Variants in CYP2J2 observed in about 807,000 individuals in gnomAD.
The protein encoded by CYP2J2 is cytochrome P450 family 2 subfamily J member 2.
A neutral mutation model predicts 48.8 loss-of-function variants in CYP2J2; 41 were observed. That is an observed-to-expected ratio of 0.84 (90% CI 0.66 to 1.09). CYP2J2 has a LOEUF of 1.09. Among genes scored for constraint, CYP2J2 ranks in the 50% least tolerant of loss-of-function variants. CYP2J2 has a pLI of 0.00. For synonymous variants in CYP2J2, 221 were observed against 227.1 expected, an observed-to-expected ratio of 0.97 and a Z score of 0.24; for missense variants, 644 against 617.3, an observed-to-expected ratio of 1.04 and a Z score of -0.46.
the CYP2J2 span, among the ~76,000 whole-genome samples, chr1:59,955,317 C>CTGG: frequency 7.8e-6 from 1 of 127,688 alleles, no homozygotes; most frequent in East Asian, 2.1e-4. Flanking sequence ...CATATATATC[C>CTGG]ATATATATAT....
chr1:59,942,044 GATAAGTGCCT>G, the CYP2J2 span, among the ~76,000 whole-genome samples: 1 of 152,152 alleles, frequency 6.6e-6, no homozygotes. Flanking sequence ...CGCCATTCGT[GATAAGTGCCT>G]TATACAGGGG....
At chr1:59,958,510 G>T in the CYP2J2 span, among the ~76,000 whole-genome samples, 1 of 141,910 alleles carries the variant, frequency 7.0e-6, no homozygotes, top group Non-Finnish European at 1.5e-5. Context: ...AAGTGGGCAG[G>T]GGTCCTTCTC....
chr1:59,947,727 C>A, the CYP2J2 span, among the ~76,000 whole-genome samples: 1 of 152,164 alleles, frequency 6.6e-6, no homozygotes, highest in East Asian at 1.9e-4. Flanking sequence ...GCATTCCTAG[C>A]TGTTCATAAT....
Position 59,913,791 on chromosome 1 carries a change from C to G in CYP2J2, c.374-1480G>C, listed in dbSNP as rs181729180. 3.0e-4 allele frequency among the ~76,000 whole-genome samples: 46 copies of G among 152,306 alleles called. No individual in the cohort carries two copies. The East Asian group carries it at 8.3e-3, about 27-fold the overall frequency. On this transcript the variant is annotated intron_variant, in intron 2 of 8. Coordinates refer to ENST00000371204, the MANE Select transcript of CYP2J2 (RefSeq NM_000775.4). The stretch of plus-strand genomic sequence containing the variant: ...TTTCTTCTATTCTCTGAATGGCAGC[C>G]TAAATAAAACCTAAAAATATACAGT...
At chr1:59,922,528 A>T (rs1324159724) in intron 1 of CYP2J2, among the ~76,000 whole-genome samples, 1 of 152,214 alleles carries the variant, frequency 6.6e-6, no homozygotes, top group Admixed American at 6.5e-5. Context: ...CAGTGTGATA[A>T]GAAAATCACA....
chr1:59,930,741 T>G (rs143625925), upstream of CYP2J2, among the ~76,000 whole-genome samples: 1 of 152,032 alleles, frequency 6.6e-6, no homozygotes, highest in African/African-American at 2.4e-5. Context: ...TTTTTTTAAA[T>G]GAAGGAAAAA....
chr1:59,935,775 A>C, the CYP2J2 span, among the ~76,000 whole-genome samples: 3 of 152,062 alleles, frequency 2.0e-5, no homozygotes, highest in African/African-American at 7.2e-5. Flanking sequence ...GCCTGGAAAA[A>C]CTTTACTTCT....
Position 59,909,717 on chromosome 1 carries a change from G to T in CYP2J2, c.861+67C>A, listed in dbSNP as rs183371749. 7.2e-4 allele frequency: 871 copies of T among 1,207,276 alleles called. 5 individuals are homozygous for T. In the Middle Eastern group the frequency reaches 0.02, roughly 27 times the overall value. The allele number at this position is 1,207,276 out of a possible 1,614,324, so 74.8% of individuals were successfully genotyped here. A position where few individuals can be genotyped will look rare whatever the true frequency, so the allele number is the denominator to read the frequency against. On this transcript the variant is annotated intron_variant, in intron 5 of 8. Transcript: ENST00000371204. Reference sequence around the variant, plus strand: ...TTTGTGATCATATTTTACAGCAGCAGTTGGAAACTAATATACCTCTATTTG... The same window carrying T: ...TTTGTGATCATATTTTACAGCAGCATTTGGAAACTAATATACCTCTATTTG...
chr1:59,908,528 T>C (rs1644384346), intron 5 of CYP2J2, among the ~76,000 whole-genome samples: 1 of 152,244 alleles, frequency 6.6e-6, no homozygotes, highest in Non-Finnish European at 1.5e-5. Flanking sequence ...CTCATGATAC[T>C]CTGTCATCTT....
Position 59,893,845 on chromosome 1 carries a change from A to G in CYP2J2, c.1331-16T>C. The G allele has an allele frequency of 1.3e-6, 2 of 1,588,696 alleles. No homozygotes were observed. Among genetic ancestry groups the G allele is most frequent in the South Asian group, 1.2e-5 (1 of 84,994 alleles). On this transcript the variant is annotated splice_polypyrimidine_tract_variant and intron_variant, in intron 8 of 8. Transcript: ENST00000371204. ...GCCCGCTTTCCTGTAAGACAAAATC[A>G]AAAGACGGGTTATCTTCTCAGGTGG...
Position 59,916,103 on chromosome 1 carries a change from G to A in CYP2J2, c.211-3C>T, listed in dbSNP as rs543225058. 6.2e-7 allele frequency: 1 copy of A among 1,603,894 alleles called. No homozygotes were observed. Among genetic ancestry groups the A allele is most frequent in the African/African-American group, 1.3e-5 (1 of 74,306 alleles). On this transcript the variant is annotated splice_polypyrimidine_tract_variant and splice_region_variant and intron_variant, in intron 1 of 8. Transcript: ENST00000371204. ...AGGTTCCCATATTTCTTCACAAACTGAAAAATAGTTAAATCGTAACAGTTG... is the reference window on the plus strand; with the variant it reads ...AGGTTCCCATATTTCTTCACAAACTAAAAAATAGTTAAATCGTAACAGTTG...
At chr1:59,961,699 CAA>C in the CYP2J2 span, among the ~76,000 whole-genome samples, 1 of 151,938 alleles carries the variant, frequency 6.6e-6, no homozygotes, top group South Asian at 2.1e-4. Flanking sequence ...TCAGAGTAAC[CAA>C]AGAGTAGAAA....
chr1:59,908,002 T>G, intron 5 of CYP2J2, 75 bp from the exon 6 acceptor site: 9 of 1,444,066 alleles, frequency 6.2e-6, no homozygotes, highest in Non-Finnish European at 8.7e-6. Flanking sequence ...CAAAGGGGCT[T>G]CATCCTAGGA....
chr1:59,940,282 A>G, the CYP2J2 span, among the ~76,000 whole-genome samples: 5 of 152,320 alleles, frequency 3.3e-5, no homozygotes, highest in South Asian at 1.0e-3. Context: ...CTCTTCAGTT[A>G]GCAAGTGATG....
chr1:59,924,682 A>G (rs1297690213), intron 1 of CYP2J2, among the ~76,000 whole-genome samples: 1 of 152,116 alleles, frequency 6.6e-6, no homozygotes, highest in Non-Finnish European at 1.5e-5. Flanking sequence ...AACACCTCAG[A>G]TAAATAAGAA....
At chr1:59,928,630 C>A (rs1407480298), upstream of CYP2J2, among the ~76,000 whole-genome samples, 1 of 152,166 alleles carries the variant, frequency 6.6e-6, no homozygotes. Context: ...GCTAAGAGGT[C>A]TAGGGATATC....
chr1:59,918,957 T>C (rs1440712030), intron 1 of CYP2J2, among the ~76,000 whole-genome samples: 1 of 152,164 alleles, frequency 6.6e-6, no homozygotes, highest in African/African-American at 2.4e-5. Flanking sequence ...TATTGAACCA[T>C]GGCTACCAAG....
chr1:59,926,359 A>C (rs1644563909), intron 1 of CYP2J2, among the ~76,000 whole-genome samples, 178 bp downstream of exon 1: 1 of 152,220 alleles, frequency 6.6e-6, no homozygotes, highest in Admixed American at 6.5e-5. Flanking sequence ...TGCAGGTGGA[A>C]TCATGCCAGT....
the CYP2J2 span, among the ~76,000 whole-genome samples, chr1:59,958,635 T>C: frequency 6.6e-6 from 1 of 152,176 alleles, no homozygotes. Flanking sequence ...GTTCATTGAC[T>C]TGGCATGTAA....
Sources: gnomAD v4.1 joint callset for allele counts (sites outside exome capture counted in the v4.1 genomes callset) on GRCh38, gnomAD v4.1.1 for gene constraint, MANE v1.5 for transcripts, NCBI Gene and HGNC (gene_info 2026-07-23, HGNC 2026-07-21) for gene names.